The following GOLGA7B variants were observed in gnomAD, a reference collection of about 807,000 sequenced individuals.
GOLGA7B encodes golgin subfamily A member 7B.
A neutral mutation model predicts 21.5 loss-of-function variants in GOLGA7B; 17 were observed. The ratio of observed to expected loss-of-function variants is 0.79; its 90% CI spans 0.54 to 1.19. The LOEUF is 1.19. GOLGA7B is among the 50% of genes most tolerant of loss of function. The pLI is 0.00. For missense variants in GOLGA7B, 169 were observed against 224.4 expected, an observed-to-expected ratio of 0.75 and a Z score of 1.58; for synonymous variants, 87 against 84.0, an observed-to-expected ratio of 1.04 and a Z score of -0.19.
chr10:97,855,231 T>C (rs1487773060), intron 1 of GOLGA7B, among the ~76,000 whole-genome samples: 1 of 152,062 alleles, frequency 6.6e-6, no homozygotes, highest in Non-Finnish European at 1.5e-5. Flanking sequence ...ATTAGCAACA[T>C]CGTTTTTCAC....
intron 1 of GOLGA7B, among the ~76,000 whole-genome samples, chr10:97,853,576 C>CT (rs1290716380): frequency 6.6e-6 from 1 of 152,128 alleles, no homozygotes. Context: ...TTATGAAATG[C>CT]TTCTCGGCCC....
intron 3 of GOLGA7B, 26 bp from the exon 4 acceptor site, chr10:97,864,142 T>C (rs1474538060): frequency 1.2e-6 from 2 of 1,613,926 alleles, no homozygotes; most frequent in Admixed American, 1.7e-5. Flanking sequence ...GGCATGCTCA[T>C]CCTTGTCTGG....
At position 97,865,818 on chromosome 10, in the gene GOLGA7B, C is replaced by CACCCCGGGCAGCA; in HGVS notation, c.*118_*119insACCCCGGGCAGCA. 5.0e-6 allele frequency: 2 copies of CACCCCGGGCAGCA among 400,158 alleles called. No homozygotes were observed. Among genetic ancestry groups the CACCCCGGGCAGCA allele is most frequent in the Non-Finnish European group, 9.0e-6 (2 of 221,916 alleles). The allele number at this position is 400,158 out of a possible 1,614,324, so 24.8% of individuals were successfully genotyped here. On this transcript the variant is annotated 3_prime_UTR_variant, in exon 5 of 5. Coordinates refer to ENST00000370602, the MANE Select transcript of GOLGA7B (RefSeq NM_001010917.3). ...CATTCTTTGGGCTCACCCTGCTGCC[C>CACCCCGGGCAGCA]GGGGTGGGAGGGAGGGTGACGGGCC...
chr10:97,859,940 G>A (rs945358307), intron 2 of GOLGA7B, among the ~76,000 whole-genome samples: 1 of 152,316 alleles, frequency 6.6e-6, no homozygotes, highest in African/African-American at 2.4e-5. Flanking sequence ...TTGGACTGTG[G>A]CTCAGGAGTC....
chr10:97,850,816 T>C (rs1261821426), intron 1 of GOLGA7B, among the ~76,000 whole-genome samples: 1 of 151,496 alleles, frequency 6.6e-6, no homozygotes, highest in East Asian at 1.9e-4. Flanking sequence ...ATGGTTGGTC[T>C]CCACTTTTGC....
At chr10:97,857,258 T>C (rs1024683009) in intron 1 of GOLGA7B, among the ~76,000 whole-genome samples, 4 of 152,088 alleles carry the variant, frequency 2.6e-5, no homozygotes, top group Non-Finnish European at 5.9e-5. Flanking sequence ...TTGTATATGG[T>C]GAGAACTAGG....
intron 1 of GOLGA7B, among the ~76,000 whole-genome samples, chr10:97,856,910 A>C (rs2049938483): frequency 6.6e-6 from 1 of 152,064 alleles, no homozygotes; most frequent in Non-Finnish European, 1.5e-5. Flanking sequence ...TCCTTTGCCC[A>C]GTTTTTAATG....
At chr10:97,852,076 C>G (rs980941595) in intron 1 of GOLGA7B, among the ~76,000 whole-genome samples, 1 of 152,180 alleles carries the variant, frequency 6.6e-6, no homozygotes, top group Non-Finnish European at 1.5e-5. Context: ...GTGAAGGAGC[C>G]AAAGAAGGCA....
intron 2 of GOLGA7B, among the ~76,000 whole-genome samples, chr10:97,860,544 G>T (rs1438744870): frequency 6.6e-6 from 1 of 152,054 alleles, no homozygotes; most frequent in East Asian, 1.9e-4. Flanking sequence ...GTAGAGACGG[G>T]GTTTTGCCAT....
intron 1 of GOLGA7B, among the ~76,000 whole-genome samples, chr10:97,859,239 A>G (rs761255982): frequency 1.3e-5 from 2 of 152,140 alleles, no homozygotes; most frequent in Non-Finnish European, 2.9e-5. Flanking sequence ...CTTTTAAAAG[A>G]TCTCTCTGGG....
rs2050046396 is a variant in GOLGA7B at position 97,867,815 on chromosome 10, G to A, written c.*2115G>A. 1 of 152,162 alleles carries A rather than the reference G, an allele frequency of 6.6e-6. No homozygotes were observed. The highest frequency in any genetic ancestry group is 1.5e-5 in the Non-Finnish European group (1 of 68,060). The allele number at this position is 152,162 out of a possible 1,614,324, so 9.4% of individuals were successfully genotyped here. A position where few individuals can be genotyped will look rare whatever the true frequency, so the allele number is the denominator to read the frequency against. ...GTTCTATGCTCCAGGACCACATGAG[G>A]GGATACTCAGCTGCCTGAACTGGAC... is the stretch of plus-strand genomic sequence containing the variant. On this transcript the variant is annotated 3_prime_UTR_variant, in exon 5 of 5. Coordinates refer to ENST00000370602, the MANE Select transcript of GOLGA7B (RefSeq NM_001010917.3).
At chr10:97,861,573 C>T (rs936293751) in intron 2 of GOLGA7B, among the ~76,000 whole-genome samples, 14 of 152,240 alleles carry the variant, frequency 9.2e-5, no homozygotes, top group Non-Finnish European at 8.8e-5. Flanking sequence ...TGTGAGGCAT[C>T]AGCTGCTGAG....
intron 1 of GOLGA7B, among the ~76,000 whole-genome samples, chr10:97,855,622 A>G (rs975023624): frequency 6.6e-6 from 1 of 152,206 alleles, no homozygotes; most frequent in Non-Finnish European, 1.5e-5. Context: ...AGGGGAGTCC[A>G]TCCTCAAGAT....
intron 1 of GOLGA7B, among the ~76,000 whole-genome samples, chr10:97,856,861 G>A (rs1162966968): frequency 6.6e-6 from 1 of 152,010 alleles, no homozygotes; most frequent in African/African-American, 2.4e-5. Flanking sequence ...GCGTTTATTG[G>A]CAGCATGTAT....
intron 1 of GOLGA7B, among the ~76,000 whole-genome samples, chr10:97,853,094 G>C (rs1378322156): frequency 1.3e-5 from 2 of 152,204 alleles, no homozygotes; most frequent in African/African-American, 4.8e-5. Flanking sequence ...TTGGAGGTTT[G>C]ATCTTTGAGG....
intron 1 of GOLGA7B, among the ~76,000 whole-genome samples, chr10:97,853,446 T>C (rs1034818103): frequency 6.6e-6 from 1 of 152,236 alleles, no homozygotes; most frequent in African/African-American, 2.4e-5. Flanking sequence ...TAGTTGACTG[T>C]CAGGTGAACA....
rs1217851691 is a variant in GOLGA7B, at chr10:97,870,380, T to C, written c.*4680T>C. On this transcript the variant is annotated 3_prime_UTR_variant, in exon 5 of 5. Coordinates refer to ENST00000370602, the MANE Select transcript of GOLGA7B (RefSeq NM_001010917.3). ...CATATGCACCATGTGATTCCCCTTATATGAAACTGAAAGACAGGCCAAACT... is the reference window on the plus strand; with the variant it reads ...CATATGCACCATGTGATTCCCCTTACATGAAACTGAAAGACAGGCCAAACT... 1 of 152,254 alleles carries C rather than the reference T, an allele frequency of 6.6e-6. No individual in the cohort carries two copies. Among genetic ancestry groups the C allele is most frequent in the South Asian group, 2.1e-4 (1 of 4,812 alleles). The allele number at this position is 152,254 out of a possible 1,614,324, so 9.4% of individuals were successfully genotyped here.
At chr10:97,854,778 C>A (rs1029008543) in intron 1 of GOLGA7B, among the ~76,000 whole-genome samples, 12 of 152,180 alleles carry the variant, frequency 7.9e-5, no homozygotes, top group African/African-American at 2.7e-4. Flanking sequence ...GTATTAATAG[C>A]TTAATACAAT....
At chr10:97,854,131 C>T (rs1196874790) in intron 1 of GOLGA7B, among the ~76,000 whole-genome samples, 1 of 152,200 alleles carries the variant, frequency 6.6e-6, no homozygotes, top group Non-Finnish European at 1.5e-5. Context: ...AGATGGGGCA[C>T]CAGTTTTCTA....
Sources: allele counts gnomAD v4.1 joint callset (sites outside exome capture counted in the v4.1 genomes callset), GRCh38; gene constraint gnomAD v4.1.1; transcripts MANE v1.5; gene names NCBI Gene and HGNC (gene_info 2026-07-23, HGNC 2026-07-21).